Variants in SMIM23 observed in about 807,000 individuals in gnomAD.
SMIM23 encodes small integral membrane protein 23, also known as CTB-78H18.1.
A neutral mutation model predicts 12.8 loss-of-function variants in SMIM23; 10 were observed. That is an observed-to-expected ratio of 0.78 (90% CI 0.48 to 1.32). SMIM23 has a LOEUF of 1.32. SMIM23 is among the 40% of genes most tolerant of loss of function. SMIM23 has a pLI of 0.00. For missense variants in SMIM23, 184 were observed against 198.2 expected (o/e 0.93, Z 0.43); for synonymous variants, 78 against 80.1 (o/e 0.97, Z 0.14).
chr5:171,786,978 T>C (rs1291192074), intron 1 of SMIM23, among the ~76,000 whole-genome samples: 1 of 150,278 alleles, frequency 6.7e-6, no homozygotes, highest in Admixed American at 6.6e-5. Context: ...TTTCCCACCT[T>C]GATTCTACCA....
At chr5:171,775,652 C>T in the SMIM23 span, among the ~76,000 whole-genome samples, 420 of 152,238 alleles carry the variant, frequency 2.8e-3, 1 homozygote, top group Admixed American at 7.2e-3. Flanking sequence ...GTCCCTTAGC[C>T]TCAGTTTTCT....
the SMIM23 span, among the ~76,000 whole-genome samples, chr5:171,772,816 A>G: frequency 1.3e-5 from 2 of 152,304 alleles, no homozygotes; most frequent in African/African-American, 4.8e-5. Context: ...AAAAATCTGA[A>G]CTGTGGGACC....
chr5:171,778,356 C>CAA (rs532519209), upstream of SMIM23, among the ~76,000 whole-genome samples: 5 of 116,634 alleles, frequency 4.3e-5, no homozygotes, highest in Non-Finnish European at 7.2e-5. Context: ...GACTCCATCT[C>CAA]AAAAAAAAAA....
the SMIM23 span, chr5:171,774,772 T>C: frequency 2.7e-6 from 1 of 365,630 alleles, no homozygotes; most frequent in Admixed American, 3.6e-5. Context: ...TATTCCCAAC[T>C]GCCAGAAACT....
At chr5:171,783,522 A>C (rs1755761230), upstream of SMIM23, among the ~76,000 whole-genome samples, 1 of 152,254 alleles carries the variant, frequency 6.6e-6, no homozygotes, top group Non-Finnish European at 1.5e-5. Flanking sequence ...CAAAAAAATT[A>C]ACCTTAAACT....
chr5:171,790,801 G>C lies in SMIM23; in HGVS notation c.232G>C (p.Glu78Gln). 3 of 1,536,112 alleles carry C rather than the reference G, an allele frequency of 2.0e-6. No individual in the cohort carries two copies. The highest frequency in any genetic ancestry group is 2.6e-6 in the Non-Finnish European group (3 of 1,146,924). The change falls in exon 4 of 4, where the codon GAA (glutamate) becomes CAA (glutamine). Residue 78 changes from glutamate (E) to glutamine (Q), a missense_variant. Glu to Gln is a conservative substitution (Grantham distance 29, BLOSUM62 2). Transcript: ENST00000523047. ...YQNLAVPQGLEYQTNEPSEEP... is the reference protein window; with the variant it reads ...YQNLAVPQGLQYQTNEPSEEP... ...TTCTGTGTCTGCCTTCCAGGGGCTT[G>C]AATATCAGACCAACGAGCCCTCAGA...
rs779967460 is a variant in SMIM23, at chr5:171,790,880, C to T, written c.311C>T (p.Ser104Leu). Residue 104 changes from serine (S) to leucine (L), a missense_variant, in exon 4 of 4, where the codon TCG becomes TTG. Coordinates refer to ENST00000523047, the MANE Select transcript of SMIM23 (RefSeq NM_001289970.2). ...NWLKEKLHVF[S>L]EKLEEEVQQL... ...CTGAAGGAGAAGTTGCATGTCTTCT[C>T]GGAGAAGTTAGAGGAAGAGGTGCAG... 5 of 1,535,994 alleles carry T rather than the reference C, an allele frequency of 3.3e-6. No individual in the cohort carries two copies. The highest frequency in any genetic ancestry group is 2.4e-5 in the East Asian group (1 of 40,930).
chr5:171,785,931 G>A lies in SMIM23; in HGVS notation c.60G>A (p.Gln20=). 3.3e-6 allele frequency: 5 copies of A among 1,536,264 alleles called. No individual in the cohort carries two copies. Among genetic ancestry groups the A allele is most frequent in the Non-Finnish European group, 4.4e-6 (5 of 1,146,936 alleles). Residue 20 remains glutamine, a synonymous_variant, in exon 1 of 4, where the codon CAG becomes CAA. Coordinates refer to ENST00000523047, the MANE Select transcript of SMIM23 (RefSeq NM_001289970.2). The part of the protein sequence containing the change: ...RQVAAEQVAA[Q]LLERRRGSHC... ...TGGCAGCAGAGCAGGTGGCAGCCCA[G>A]CTGCTTGAACGGAGAAGGGGCAGCC...
At position 171,791,112 on chromosome 5, in the gene SMIM23, G is replaced by C. The variant is rs1348113560; in HGVS notation, c.*24G>C. 1.2e-5 allele frequency: 18 copies of C among 1,454,578 alleles called. No homozygotes were observed. The highest frequency in any genetic ancestry group is 1.5e-5 in the Non-Finnish European group (17 of 1,110,818). The allele number at this position is 1,454,578 out of a possible 1,614,324, so 90.1% of individuals were successfully genotyped here. On this transcript the variant is annotated 3_prime_UTR_variant, in exon 4 of 4. Transcript: ENST00000523047. Reference sequence around the variant, plus strand: ...GACTCTTGAAGTTCCAGTCAGGCAAGAAAATAAAGTAGTTGGGAAATGAAG... The same window carrying C: ...GACTCTTGAAGTTCCAGTCAGGCAACAAAATAAAGTAGTTGGGAAATGAAG...
At chr5:171,785,418 A>C (rs908173158), upstream of SMIM23, among the ~76,000 whole-genome samples, 11 of 133,508 alleles carry the variant, frequency 8.2e-5, no homozygotes, top group African/African-American at 2.5e-4. Context: ...TTTTTTTTGT[A>C]ATTTTTTAAA....
chr5:171,784,723 T>C (rs1041348319), upstream of SMIM23, among the ~76,000 whole-genome samples: 3 of 152,150 alleles, frequency 2.0e-5, no homozygotes, highest in Admixed American at 2.0e-4. Flanking sequence ...CCCAAAAACA[T>C]GTACAAGCAT....
chr5:171,780,697 T>A (rs569495667), upstream of SMIM23, among the ~76,000 whole-genome samples: 1 of 152,162 alleles, frequency 6.6e-6, no homozygotes, highest in Admixed American at 6.5e-5. Context: ...AGCCAGCAAC[T>A]GCATGGGTGC....
chr5:171,784,117 A>G (rs1204904079), upstream of SMIM23, among the ~76,000 whole-genome samples: 1 of 152,212 alleles, frequency 6.6e-6, no homozygotes, highest in Non-Finnish European at 1.5e-5. Context: ...TTTAAAAAAA[A>G]GAAAAGATGT....
upstream of SMIM23, among the ~76,000 whole-genome samples, chr5:171,781,267 G>C (rs927739503): frequency 6.6e-6 from 1 of 152,184 alleles, no homozygotes; most frequent in African/African-American, 2.4e-5. Context: ...TGCTGCAGTT[G>C]TGCCAATCAT....
At chr5:171,781,885 A>T (rs1351657463), upstream of SMIM23, among the ~76,000 whole-genome samples, 1 of 152,206 alleles carries the variant, frequency 6.6e-6, no homozygotes, top group Non-Finnish European at 1.5e-5. Context: ...TAAATGCACC[A>T]ATCAGCACTC....
Position 171,791,044 on chromosome 5 carries a change from G to T in SMIM23, c.475G>T (p.Gly159Trp). The T allele has an allele frequency of 6.5e-7, 1 of 1,527,144 alleles. No homozygotes were observed. The highest frequency in any genetic ancestry group is 8.8e-7 in the Non-Finnish European group (1 of 1,142,504). 94.6% of individuals were successfully genotyped at this position (1,527,144 alleles called of 1,614,324 possible). ...GGCCCTGGGGAGAGAGCACAAAGGTGGGGAGGGGTTGCTAGAGATTTCTCT... is the reference window on the plus strand; with the variant it reads ...GGCCCTGGGGAGAGAGCACAAAGGTTGGGAGGGGTTGCTAGAGATTTCTCT... ...AWALGREHKG[G>W]EGLLEISLSG... Residue 159 changes from glycine (G) to tryptophan (W), a missense_variant, in exon 4 of 4, where the codon GGG becomes TGG. Transcript: ENST00000523047.
At chr5:171,784,406 G>C (rs1388302797), upstream of SMIM23, among the ~76,000 whole-genome samples, 50 of 152,250 alleles carry the variant, frequency 3.3e-4, no homozygotes. Context: ...TCGGGAGGCA[G>C]AGGCAGGAGG....
chr5:171,788,173 A>AACAC (rs10566750), intron 1 of SMIM23, among the ~76,000 whole-genome samples: 317 of 145,776 alleles, frequency 2.2e-3, no homozygotes, highest in African/African-American at 7.2e-3. Context: ...CACACACACA[A>AACAC]ACACACACAC....
upstream of SMIM23, among the ~76,000 whole-genome samples, chr5:171,778,691 G>T (rs896668290): frequency 6.6e-6 from 1 of 152,098 alleles, no homozygotes; most frequent in Non-Finnish European, 1.5e-5. Flanking sequence ...ATGGTTTCCA[G>T]AACTACAAAA....
Sources: allele counts gnomAD v4.1 joint callset (sites outside exome capture counted in the v4.1 genomes callset), GRCh38; gene constraint gnomAD v4.1.1; transcripts MANE v1.5; gene names NCBI Gene and HGNC (gene_info 2026-07-23, HGNC 2026-07-21).